The following SPATA17 variants were observed in gnomAD, a reference collection of about 807,000 sequenced individuals.
SPATA17 encodes spermatogenesis-associated protein 17.
A neutral mutation model predicts 62.2 loss-of-function variants in SPATA17; 53 were observed. The observed-to-expected ratio is 0.85, with a 90% CI of 0.68 to 1.07. SPATA17 has a LOEUF of 1.07. SPATA17 is among the 50% of genes least tolerant of loss of function. The pLI, the probability that SPATA17 is intolerant of heterozygous loss-of-function variation, is 0.00. For missense variants in SPATA17, 466 were observed against 425.5 expected (o/e 1.10, Z -0.84); for synonymous variants, 146 against 146.8 (o/e 0.99, Z 0.04).
chr1:217,696,799 C>T (rs1385932880), intron 5 of SPATA17, among the ~76,000 whole-genome samples: 5 of 152,102 alleles, frequency 3.3e-5, no homozygotes, highest in Non-Finnish European at 7.4e-5. Flanking sequence ...AGAGAGTAGT[C>T]ATGTCTATCT....
chr1:217,774,228 G>C, intron 6 of SPATA17, 106 bp from the exon 7 acceptor site: 2 of 936,402 alleles, frequency 2.1e-6, no homozygotes, highest in East Asian at 2.6e-5. Flanking sequence ...CACAGTTGTA[G>C]TTTAAAATAT....
At chr1:217,733,279 C>T (rs1277052049) in intron 5 of SPATA17, among the ~76,000 whole-genome samples, 2 of 152,214 alleles carry the variant, frequency 1.3e-5, no homozygotes, top group Non-Finnish European at 2.9e-5. Flanking sequence ...AACCTTTCTT[C>T]TCAAAAGTGC....
intron 5 of SPATA17, among the ~76,000 whole-genome samples, chr1:217,697,989 T>C (rs1271167323): frequency 2.6e-5 from 4 of 152,210 alleles, no homozygotes; most frequent in Non-Finnish European, 5.9e-5. Context: ...TTTTCTTACT[T>C]TCAAATTAAC....
intron 5 of SPATA17, among the ~76,000 whole-genome samples, chr1:217,703,472 T>TAA (rs1468947742): frequency 6.6e-6 from 1 of 152,164 alleles, no homozygotes; most frequent in Non-Finnish European, 1.5e-5. Context: ...ATGCCTGGCA[T>TAA]ATTTCATTAC....
chr1:217,854,035 C>T (rs1285231768), intron 9 of SPATA17, among the ~76,000 whole-genome samples: 1 of 152,032 alleles, frequency 6.6e-6, no homozygotes, highest in Admixed American at 6.6e-5. Flanking sequence ...ATGGTCAGAA[C>T]AAATTTATAG....
Position 217,643,714 on chromosome 1 carries a change from C to A in SPATA17, c.69-5168C>A, listed in dbSNP as rs953488847. Among the ~76,000 whole-genome samples, 15 of 149,090 alleles carry A rather than the reference C, an allele frequency of 1.0e-4. No homozygotes were observed. In the East Asian group the frequency reaches 1.9e-3, roughly 19 times the overall value. On this transcript the variant is annotated intron_variant, in intron 1 of 10. Coordinates refer to ENST00000366933, the MANE Select transcript of SPATA17 (RefSeq NM_138796.4). ...AGGAAGAAAAAGAAACTCTCTCTCTCTATATATATATATATATATAATTTT... is the reference window on the plus strand; with the variant it reads ...AGGAAGAAAAAGAAACTCTCTCTCTATATATATATATATATATATAATTTT...
chr1:217,855,169 G>A (rs1317104803), intron 9 of SPATA17, among the ~76,000 whole-genome samples: 1 of 152,124 alleles, frequency 6.6e-6, no homozygotes, highest in Non-Finnish European at 1.5e-5. Flanking sequence ...AAACCATTCT[G>A]ATACTGTCTC....
intron 8 of SPATA17, among the ~76,000 whole-genome samples, chr1:217,796,452 C>T (rs536661872): frequency 4.6e-5 from 7 of 152,222 alleles, no homozygotes; most frequent in African/African-American, 1.7e-4. Context: ...GGAAAAATAT[C>T]TTTCCAGTTA....
At chr1:217,819,358 G>T (rs1323058902) in intron 9 of SPATA17, among the ~76,000 whole-genome samples, 1 of 151,778 alleles carries the variant, frequency 6.6e-6, no homozygotes, top group Non-Finnish European at 1.5e-5. Flanking sequence ...TTTTATTCCT[G>T]CAGGATCCTT....
At chr1:217,650,100 T>G (rs753616844) in intron 2 of SPATA17, among the ~76,000 whole-genome samples, 1 of 151,796 alleles carries the variant, frequency 6.6e-6, no homozygotes, top group Non-Finnish European at 1.5e-5. Flanking sequence ...CCACCATGCC[T>G]GGATAATTTT....
chr1:217,767,399 GGT>G (rs143494682), intron 6 of SPATA17, among the ~76,000 whole-genome samples: 5,930 of 151,998 alleles, frequency 0.039, 251 homozygotes, highest in East Asian at 0.14. Flanking sequence ...TCTGTGATTT[GGT>G]GTCTAACATC....
chr1:217,649,193 T>C (rs1001566798), intron 2 of SPATA17, among the ~76,000 whole-genome samples: 27 of 152,074 alleles, frequency 1.8e-4, no homozygotes, highest in African/African-American at 6.3e-4. Context: ...AAATTCTCAA[T>C]ATTGGCTGGG....
At chr1:217,779,493 C>T (rs1199810487) in intron 7 of SPATA17, among the ~76,000 whole-genome samples, 2 of 151,718 alleles carry the variant, frequency 1.3e-5, no homozygotes, top group Middle Eastern at 3.4e-3. Flanking sequence ...CATGTCATCC[C>T]CACTGCCCTA....
rs751346889 is a variant in SPATA17 at position 217,808,346 on chromosome 1, TACACAC to T, written c.1005+6527_1005+6532del. On this transcript the variant is annotated intron_variant, in intron 9 of 10. Transcript: ENST00000366933. Reference sequence around the variant, plus strand: ...GTTTCCTTCACTAACAATTAAAAAATACACACACACACACACACACACACACACACA... The same window carrying T: ...GTTTCCTTCACTAACAATTAAAAAATACACACACACACACACACACACACA... 9.2e-5 allele frequency among the ~76,000 whole-genome samples: 10 copies of T among 109,014 alleles called. 1 individual carries two copies. In the South Asian group the frequency reaches 1.1e-3, roughly 12 times the overall value. 71.5% of individuals were successfully genotyped at this position (109,014 alleles called of 152,430 possible).
At chr1:217,660,587 G>A (rs1160468497) in intron 3 of SPATA17, among the ~76,000 whole-genome samples, 1 of 152,160 alleles carries the variant, frequency 6.6e-6, no homozygotes, top group Non-Finnish European at 1.5e-5. Context: ...CCGATGTGGG[G>A]CTTGTCTATG....
chr1:217,647,965 C>T (rs1044725392), intron 1 of SPATA17, among the ~76,000 whole-genome samples: 4 of 152,028 alleles, frequency 2.6e-5, no homozygotes, highest in Admixed American at 6.5e-5. Context: ...TCAGATGATC[C>T]GCCCACCTTG....
At chr1:217,636,758 T>C (rs574560754) in intron 1 of SPATA17, among the ~76,000 whole-genome samples, 4 of 152,216 alleles carry the variant, frequency 2.6e-5, no homozygotes, top group Admixed American at 6.5e-5. Context: ...TAAAGCATTT[T>C]GCTTTTATTT....
intron 9 of SPATA17, among the ~76,000 whole-genome samples, chr1:217,806,076 G>A (rs1372407514): frequency 6.6e-6 from 1 of 152,224 alleles, no homozygotes; most frequent in African/African-American, 2.4e-5. Flanking sequence ...GACAAGCAAA[G>A]GGGTGATATT....
Position 217,726,230 on chromosome 1 carries a change from G to A in SPATA17, c.396-15745G>A, listed in dbSNP as rs557610769. ...CTATCCTCCCAAGTCCTGTTTGACC[G>A]CCTGTCACTGTGGATATTGATTTCA... is the stretch of plus-strand genomic sequence containing the variant. On this transcript the variant is annotated intron_variant, in intron 5 of 10. Transcript: ENST00000366933. Among the ~76,000 whole-genome samples, 5 of 152,110 alleles carry A rather than the reference G, an allele frequency of 3.3e-5. No homozygotes were observed. In the South Asian group the frequency reaches 8.3e-4, roughly 25 times the overall value.
Sources: allele counts gnomAD v4.1 joint callset (sites outside exome capture counted in the v4.1 genomes callset), GRCh38; gene constraint gnomAD v4.1.1; transcripts MANE v1.5; gene names NCBI Gene and HGNC (gene_info 2026-07-23, HGNC 2026-07-21).